The following KLF8 variants were observed in gnomAD, a reference collection of about 807,000 sequenced individuals.
The protein encoded by KLF8 is KLF transcription factor 8.
Under a neutral mutation model 18.2 loss-of-function variants are expected in KLF8, and 10 were observed. The observed-to-expected ratio is 0.55, with a 90% CI of 0.34 to 0.93. The LOEUF (loss-of-function observed/expected upper bound fraction) is 0.93. KLF8 is among the 40% of genes least tolerant of loss of function. The probability of loss-of-function intolerance (pLI) is 0.02; values close to 1 mark genes in which losing one functional copy is unlikely to be tolerated. For missense variants in KLF8, 264 were observed against 277.9 expected (o/e 0.95, Z 0.36); for synonymous variants, 109 against 97.3 (o/e 1.12, Z -0.71).
chrX:56,160,432 C>T, the KLF8 span, among the ~76,000 whole-genome samples: 1 of 111,056 alleles, frequency 9.0e-6, no homozygotes, highest in Non-Finnish European at 1.9e-5. Flanking sequence ...GAATTCAATT[C>T]CTGGATATCC....
chrX:56,226,268 T>C, the KLF8 span, among the ~76,000 whole-genome samples: 1 of 112,299 alleles, frequency 8.9e-6, no homozygotes. Flanking sequence ...AATTCAATCA[T>C]GGTTTGCTAA....
chrX:56,092,555 C>T, the KLF8 span, among the ~76,000 whole-genome samples: 3 of 111,196 alleles, frequency 2.7e-5, no homozygotes, highest in Non-Finnish European at 5.7e-5. Context: ...TGTCCTTTCC[C>T]CAGTGTAAAT....
At chrX:55,990,569 A>G in the KLF8 span, among the ~76,000 whole-genome samples, 1 of 111,558 alleles carries the variant, frequency 9.0e-6, no homozygotes, top group Non-Finnish European at 1.9e-5. Context: ...GCAGGAGGAG[A>G]GGCGCTCTGA....
the KLF8 span, among the ~76,000 whole-genome samples, chrX:56,114,290 C>G: frequency 8.9e-6 from 1 of 112,459 alleles, no homozygotes; most frequent in Non-Finnish European, 1.9e-5. Context: ...TCATCTTAGG[C>G]CATCTCCAGC....
intron 1 of KLF8, among the ~76,000 whole-genome samples, chrX:56,249,815 T>C (rs1461819406): frequency 8.9e-6 from 1 of 111,779 alleles, no homozygotes; most frequent in African/African-American, 3.2e-5. Flanking sequence ...TTAAGAGACG[T>C]AGACAGATAA....
the KLF8 span, among the ~76,000 whole-genome samples, chrX:56,033,948 C>G: frequency 1.8e-5 from 2 of 112,290 alleles, no homozygotes; most frequent in African/African-American, 6.5e-5. Flanking sequence ...TTTTGTATAG[C>G]AAATCTTTAT....
At chrX:56,091,979 G>GTTT in the KLF8 span, among the ~76,000 whole-genome samples, 3 of 81,080 alleles carry the variant, frequency 3.7e-5, no homozygotes, top group Admixed American at 1.3e-4. Context: ...AACATCTATT[G>GTTT]TTTTTTTTTT....
At chrX:56,070,842 C>A in the KLF8 span, among the ~76,000 whole-genome samples, 1 of 112,653 alleles carries the variant, frequency 8.9e-6, no homozygotes, top group Admixed American at 9.4e-5. Context: ...TAACTAAATA[C>A]ATTGGCTAAG....
At chrX:55,977,089 T>G in the KLF8 span, among the ~76,000 whole-genome samples, 1 of 112,271 alleles carries the variant, frequency 8.9e-6, no homozygotes, top group Non-Finnish European at 1.9e-5. Flanking sequence ...TTTTACTTTA[T>G]GATTTTGATG....
At chrX:55,955,563 G>T in the KLF8 span, among the ~76,000 whole-genome samples, 3 of 111,477 alleles carry the variant, frequency 2.7e-5, no homozygotes, top group African/African-American at 9.8e-5. Flanking sequence ...TGTTTCTGGG[G>T]TATAAATTGA....
the KLF8 span, among the ~76,000 whole-genome samples, chrX:55,989,174 C>A: frequency 8.9e-6 from 1 of 111,823 alleles, no homozygotes; most frequent in African/African-American, 3.3e-5. Context: ...TTCCTCTTTT[C>A]CTAATTGAGT....
At chrX:56,172,061 C>T in the KLF8 span, among the ~76,000 whole-genome samples, 2 of 111,068 alleles carry the variant, frequency 1.8e-5, no homozygotes, top group Admixed American at 1.9e-4. Flanking sequence ...TAATGATTGC[C>T]ATTCTAACTG....
the KLF8 span, among the ~76,000 whole-genome samples, chrX:56,092,290 T>C: frequency 8.9e-6 from 1 of 112,264 alleles, no homozygotes; most frequent in Non-Finnish European, 1.9e-5. Context: ...CTGCTGATTA[T>C]TTCTTTTGCA....
the KLF8 span, among the ~76,000 whole-genome samples, chrX:56,058,300 A>G: frequency 1.3e-4 from 10 of 74,138 alleles, 1 homozygote; most frequent in African/African-American, 5.0e-4. Context: ...ATATATATAT[A>G]TATATATATA....
At chrX:56,079,065 C>G in the KLF8 span, among the ~76,000 whole-genome samples, 1 of 111,109 alleles carries the variant, frequency 9.0e-6, no homozygotes, top group East Asian at 2.8e-4. Context: ...AGCGGTCTAT[C>G]AATTTTGTTG....
chrX:56,223,301 G>A, the KLF8 span, among the ~76,000 whole-genome samples: 4 of 112,543 alleles, frequency 3.6e-5, no homozygotes, highest in African/African-American at 1.3e-4. Flanking sequence ...ACAATGACTG[G>A]CACACAGCAA....
chrX:56,184,610 C>T, the KLF8 span, among the ~76,000 whole-genome samples: 1 of 112,176 alleles, frequency 8.9e-6, no homozygotes, highest in Non-Finnish European at 1.9e-5. Context: ...AGCAGCCTAA[C>T]TGGGAGGCAC....
chrX:55,945,336 G>T, the KLF8 span, among the ~76,000 whole-genome samples: 3 of 111,283 alleles, frequency 2.7e-5, no homozygotes, highest in African/African-American at 9.8e-5. Flanking sequence ...TTCTGTAGAT[G>T]CCTATTAGGT....
chrX:56,221,342 A>G, the KLF8 span, among the ~76,000 whole-genome samples: 10 of 111,794 alleles, frequency 8.9e-5, no homozygotes, highest in Non-Finnish European at 1.1e-4. Flanking sequence ...AAATATGAAC[A>G]TGCAAAAAGG....
Sources: allele counts gnomAD v4.1 joint callset (sites outside exome capture counted in the v4.1 genomes callset), GRCh38; gene constraint gnomAD v4.1.1; transcripts MANE v1.5; gene names NCBI Gene and HGNC (gene_info 2026-07-23, HGNC 2026-07-21).